Variants in DNAJC3 observed in about 807,000 individuals in gnomAD.
The protein encoded by DNAJC3 is DnaJ heat shock protein family (Hsp40) member C3.
Under a neutral mutation model 68.6 loss-of-function variants are expected in DNAJC3, and 38 were observed. That is an observed-to-expected ratio of 0.55 (90% CI 0.43 to 0.73). The LOEUF is 0.73. Ranked by LOEUF, DNAJC3 falls within the 30% of genes least tolerant of loss-of-function variation. The pLI is 0.00. For missense variants in DNAJC3, 526 were observed against 591.9 expected (o/e 0.89, Z 1.16); for synonymous variants, 203 against 204.0 (o/e 1.00, Z 0.04).
chr13:95,742,950 T>C (rs1429243422), intron 4 of DNAJC3: 1 of 448,776 alleles, frequency 2.2e-6, no homozygotes, highest in Non-Finnish European at 4.5e-6. Flanking sequence ...AGTTAATTTT[T>C]GTATGATGGT....
chr13:95,787,054 T>C lies in DNAJC3; in HGVS notation c.1256T>C (p.Leu419Pro). ...ATTAAAGCATACCGAAAATTAGCAC[T>C]GCAGTGGCACCCAGATAACTTCCAG... Reference protein sequence around the residue: ...EIIKAYRKLALQWHPDNFQNE... With the variant: ...EIIKAYRKLAPQWHPDNFQNE... Residue 419 changes from leucine (L) to proline (P), a missense_variant, in exon 11 of 12, where the codon CTG (leucine) becomes CCG (proline). By Grantham distance (98) the Leu-to-Pro change is moderately conservative (BLOSUM62 -3). Coordinates refer to ENST00000602402, the MANE Select transcript of DNAJC3 (RefSeq NM_006260.5). 6.2e-7 allele frequency: 1 copy of C among 1,613,918 alleles called. No homozygotes were observed. The highest frequency in any genetic ancestry group is 8.5e-7 in the Non-Finnish European group (1 of 1,179,930).
chr13:95,781,928 A>G (rs1195091517), intron 9 of DNAJC3, among the ~76,000 whole-genome samples: 1 of 151,856 alleles, frequency 6.6e-6, no homozygotes, highest in South Asian at 2.1e-4. Flanking sequence ...TACATTAGGT[A>G]TTTCTCCTAA....
At chr13:95,696,043 A>G (rs1438425246) in intron 1 of DNAJC3, among the ~76,000 whole-genome samples, 1 of 152,184 alleles carries the variant, frequency 6.6e-6, no homozygotes, top group Non-Finnish European at 1.5e-5. Context: ...ACCTTACACT[A>G]AAGAGCCATT....
intron 9 of DNAJC3, among the ~76,000 whole-genome samples, chr13:95,784,845 G>A (rs777473056): frequency 3.9e-5 from 6 of 152,076 alleles, no homozygotes; most frequent in South Asian, 2.1e-4. Context: ...GTGGTGGTGC[G>A]TGCCTGTAGT....
chr13:95,738,256 T>G (rs1204405128), intron 4 of DNAJC3, among the ~76,000 whole-genome samples: 1 of 150,516 alleles, frequency 6.6e-6, no homozygotes, highest in Non-Finnish European at 1.5e-5. Context: ...TGTGGTCAAT[T>G]TTGGAATAGG....
chr13:95,703,352 C>G (rs1011397515), intron 1 of DNAJC3, among the ~76,000 whole-genome samples: 1 of 152,196 alleles, frequency 6.6e-6, no homozygotes, highest in Non-Finnish European at 1.5e-5. Flanking sequence ...GACAGTACTT[C>G]AGTACTATGC....
At chr13:95,693,034 A>G (rs1022206466) in intron 1 of DNAJC3, 4 of 151,902 alleles carry the variant, frequency 2.6e-5, no homozygotes, top group African/African-American at 9.7e-5. Context: ...GTTAGCCAGG[A>G]TGGTCTCGAT....
intron 4 of DNAJC3, among the ~76,000 whole-genome samples, chr13:95,732,262 C>T (rs1005315302): frequency 2.6e-5 from 4 of 152,108 alleles, no homozygotes; most frequent in African/African-American, 9.7e-5. Flanking sequence ...TATTATTTCT[C>T]TTTTATATGT....
At chr13:95,762,299 T>A (rs1882849454) in intron 7 of DNAJC3, among the ~76,000 whole-genome samples, 1 of 152,132 alleles carries the variant, frequency 6.6e-6, no homozygotes, top group Non-Finnish European at 1.5e-5. Context: ...TCTGTCCTTT[T>A]CAGGTCCTCT....
At chr13:95,693,516 G>C (rs935131768) in intron 1 of DNAJC3, 1 of 152,018 alleles carries the variant, frequency 6.6e-6, no homozygotes, top group Admixed American at 6.6e-5. Context: ...ATCTTCACTG[G>C]ATTTCTTATC....
intron 9 of DNAJC3, among the ~76,000 whole-genome samples, chr13:95,776,900 C>T (rs1212846691): frequency 2.6e-5 from 4 of 152,136 alleles, no homozygotes; most frequent in African/African-American, 9.7e-5. Flanking sequence ...CTTTCTTTTC[C>T]CATGTTTCGT....
At chr13:95,691,163 C>A (rs1880242839) in intron 1 of DNAJC3, among the ~76,000 whole-genome samples, 2 of 150,658 alleles carry the variant, frequency 1.3e-5, no homozygotes, top group Middle Eastern at 3.4e-3. Flanking sequence ...CCACCTCCCT[C>A]CCGGACGGGG....
chr13:95,740,217 TG>T (rs1882083513), intron 4 of DNAJC3, among the ~76,000 whole-genome samples: 1 of 152,228 alleles, frequency 6.6e-6, no homozygotes, highest in African/African-American at 2.4e-5. Context: ...TCTTCAAAGC[TG>T]TCAGACAGGG....
intron 2 of DNAJC3, among the ~76,000 whole-genome samples, chr13:95,722,650 C>T (rs890855155): frequency 6.6e-5 from 10 of 150,762 alleles, no homozygotes; most frequent in African/African-American, 2.2e-4. Context: ...TGGTGGAATA[C>T]GCCTGTTGTC....
intron 9 of DNAJC3, among the ~76,000 whole-genome samples, chr13:95,776,192 T>A (rs766416197): frequency 8.5e-5 from 13 of 152,238 alleles, no homozygotes; most frequent in Admixed American, 2.0e-4. Context: ...TTAAAGTGCA[T>A]CCTCAAAAAG....
In DNAJC3 at chr13:95,690,806, C is replaced by T. The variant is rs1880219107; in HGVS notation, c.82+13469C>T. 2.1e-5 allele frequency among the ~76,000 whole-genome samples: 3 copies of T among 143,110 alleles called. No individual in the cohort carries two copies. In the South Asian group the frequency reaches 6.7e-4, roughly 32 times the overall value. 93.9% of individuals were successfully genotyped at this position (143,110 alleles called of 152,430 possible). On this transcript the variant is annotated intron_variant, in intron 1 of 11. Transcript: ENST00000602402. The stretch of plus-strand genomic sequence containing the variant: ...GGGCGGGGGGCTGACCCCCCCACCT[C>T]CCTCCCGGACGGGGCAGCTGGCCGG...
chr13:95,741,940 A>G (rs73550602), intron 4 of DNAJC3, among the ~76,000 whole-genome samples: 2,593 of 152,238 alleles, frequency 0.017, 80 homozygotes, highest in African/African-American at 0.06. Context: ...AGGCCCTTCC[A>G]GTGATGTGTA....
chr13:95,743,550 GCCT>G (rs1330691640), intron 4 of DNAJC3, among the ~76,000 whole-genome samples: 3 of 152,140 alleles, frequency 2.0e-5, no homozygotes, highest in Non-Finnish European at 4.4e-5. Flanking sequence ...CAGGCCACTG[GCCT>G]CCTGCTTATT....
intron 2 of DNAJC3, among the ~76,000 whole-genome samples, chr13:95,722,223 A>G (rs891283270): frequency 2.0e-5 from 3 of 152,170 alleles, no homozygotes; most frequent in Non-Finnish European, 4.4e-5. Context: ...TTCCTTACAA[A>G]TGTTAACTTC....
Sources: gnomAD v4.1 joint callset for allele counts (sites outside exome capture counted in the v4.1 genomes callset) on GRCh38, gnomAD v4.1.1 for gene constraint, MANE v1.5 for transcripts, NCBI Gene and HGNC (gene_info 2026-07-23, HGNC 2026-07-21) for gene names.